POLR3B: variants seen among roughly 807,000 people sequenced by gnomAD.
The protein encoded by POLR3B is RNA polymerase III subunit B, also known as DNA-directed RNA polymerase III subunit RPC2.
POLR3B carries 96 observed loss-of-function variants against 147.4 expected under a neutral mutation model. The observed-to-expected ratio is 0.65, with a 90% CI of 0.55 to 0.77. The LOEUF is 0.77. Among genes scored for constraint, POLR3B ranks in the 30% least tolerant of loss-of-function variants. POLR3B has a pLI of 0.00. For synonymous variants in POLR3B, 461 were observed against 485.9 expected (o/e 0.95, Z 0.67); for missense variants, 1,036 against 1,413.5 (o/e 0.73, Z 4.28).
chr12:106,501,952 C>G (rs1485625281), intron 26 of POLR3B, among the ~76,000 whole-genome samples: 1 of 152,110 alleles, frequency 6.6e-6, no homozygotes, highest in Non-Finnish European at 1.5e-5. Flanking sequence ...ACAGGTGTAC[C>G]CTCAATCCCA....
chr12:106,405,366 C>T (rs1174650589), intron 10 of POLR3B, among the ~76,000 whole-genome samples: 1 of 152,090 alleles, frequency 6.6e-6, no homozygotes, highest in African/African-American at 2.4e-5. Flanking sequence ...ATCCAGTCCA[C>T]GAACATGTCA....
intron 12 of POLR3B, among the ~76,000 whole-genome samples, chr12:106,423,724 T>A (rs1249503069): frequency 6.6e-6 from 1 of 152,228 alleles, no homozygotes; most frequent in East Asian, 1.9e-4. Flanking sequence ...CTCAGCCCAC[T>A]GATTGAAATG....
chr12:106,441,403 C>A (rs192587548), intron 18 of POLR3B, among the ~76,000 whole-genome samples: 3 of 152,262 alleles, frequency 2.0e-5, no homozygotes, highest in Non-Finnish European at 4.4e-5. Context: ...ATGCTAAAGC[C>A]TATTGCTTCT....
chr12:106,501,434 C>G lies in POLR3B; in HGVS notation c.3096C>G (p.Thr1032=). 1 of 1,574,642 alleles carries G rather than the reference C, an allele frequency of 6.4e-7. No individual in the cohort carries two copies. Among genetic ancestry groups the G allele is most frequent in the Non-Finnish European group, 8.7e-7 (1 of 1,144,002 alleles). ...CCCGGGGCCCACGAGCCGTCCTTAC[C>G]AGGTAAGAGAAAAGTACTTACAAAA... The part of the protein sequence containing the change: ...ARARGPRAVL[T]RQPTEGRSRD... Residue 1032 remains threonine, a splice_region_variant and synonymous_variant, in exon 26 of 28, where the codon ACC becomes ACG. Coordinates refer to ENST00000228347, the MANE Select transcript of POLR3B (RefSeq NM_018082.6).
At chr12:106,442,993 A>C (rs1188103392) in intron 18 of POLR3B, among the ~76,000 whole-genome samples, 1 of 152,248 alleles carries the variant, frequency 6.6e-6, no homozygotes, top group Non-Finnish European at 1.5e-5. Flanking sequence ...CTTTGTGTCC[A>C]GTACTACCCA....
At chr12:106,460,407 A>G (rs2037918116) in intron 22 of POLR3B, among the ~76,000 whole-genome samples, 2 of 152,212 alleles carry the variant, frequency 1.3e-5, no homozygotes, top group Admixed American at 1.3e-4. Context: ...AGGAGAAGTT[A>G]AGTAACTTAC....
At chr12:106,506,725 A>G (rs776115462) in intron 27 of POLR3B, among the ~76,000 whole-genome samples, 1 of 152,186 alleles carries the variant, frequency 6.6e-6, no homozygotes, top group Non-Finnish European at 1.5e-5. Context: ...ACAGACCTCA[A>G]TATATACTGT....
chr12:106,379,164 A>G (rs1351343608), intron 8 of POLR3B, among the ~76,000 whole-genome samples: 3 of 152,228 alleles, frequency 2.0e-5, no homozygotes, highest in African/African-American at 7.2e-5. Context: ...TACTATTAAC[A>G]TCTCCATTTT....
At chr12:106,371,046 G>C (rs1213274747) in intron 6 of POLR3B, among the ~76,000 whole-genome samples, 1 of 152,192 alleles carries the variant, frequency 6.6e-6, no homozygotes, top group East Asian at 1.9e-4. Context: ...TGAAGGAAAG[G>C]CAAGAGAGAC....
intron 11 of POLR3B, among the ~76,000 whole-genome samples, chr12:106,409,425 T>C (rs894598679): frequency 6.8e-6 from 1 of 147,476 alleles, no homozygotes; most frequent in African/African-American, 2.5e-5. Flanking sequence ...TTGATGTAAT[T>C]GTTTTGTGGG....
chr12:106,363,983 T>G, intron 2 of POLR3B, 81 bp downstream of exon 2: 2 of 1,068,832 alleles, frequency 1.9e-6, no homozygotes, highest in Non-Finnish European at 1.4e-6. Context: ...AAAGATTAAA[T>G]TTTTGTCATC....
chr12:106,363,421 A>G (rs996118773), intron 1 of POLR3B, among the ~76,000 whole-genome samples: 1 of 152,210 alleles, frequency 6.6e-6, no homozygotes, highest in African/African-American at 2.4e-5. Context: ...GTAGGAAGCA[A>G]TCACCATATG....
chr12:106,362,105 G>A (rs868088108), intron 1 of POLR3B, among the ~76,000 whole-genome samples: 4 of 152,156 alleles, frequency 2.6e-5, no homozygotes, highest in South Asian at 2.1e-4. Flanking sequence ...GCTGAGTCAA[G>A]AAAGTTTTAA....
Position 106,380,013 on chromosome 12 carries a change from AC to A in POLR3B, c.615-17del. ...ACTAAGTGGGGATGCAGTTTAACCA[AC>A]TTGTATTTACTCATAGCTCTACCCA... On this transcript the variant is annotated splice_polypyrimidine_tract_variant and intron_variant, in intron 8 of 27. Coordinates refer to ENST00000228347, the MANE Select transcript of POLR3B (RefSeq NM_018082.6). 6.6e-7 allele frequency: 1 copy of A among 1,511,256 alleles called. No individual in the cohort carries two copies. Among genetic ancestry groups the A allele is most frequent in the Non-Finnish European group, 9.2e-7 (1 of 1,087,012 alleles). The allele number at this position is 1,511,256 out of a possible 1,614,324, so 93.6% of individuals were successfully genotyped here.
chr12:106,441,852 A>G (rs2048183168), intron 18 of POLR3B, among the ~76,000 whole-genome samples: 1 of 152,180 alleles, frequency 6.6e-6, no homozygotes, highest in African/African-American at 2.4e-5. Context: ...AGGCCAAGGC[A>G]GGCAGATCAC....
At chr12:106,483,351 C>A (rs187676512) in intron 23 of POLR3B, among the ~76,000 whole-genome samples, 6 of 152,274 alleles carry the variant, frequency 3.9e-5, no homozygotes. Context: ...GAAACCTATT[C>A]GGTCATTTTT....
At chr12:106,379,410 C>G (rs2036729242) in intron 8 of POLR3B, among the ~76,000 whole-genome samples, 2 of 152,182 alleles carry the variant, frequency 1.3e-5, no homozygotes, top group Non-Finnish European at 2.9e-5. Flanking sequence ...GACAATACTT[C>G]AGTTTGACTA....
At chr12:106,407,511 C>T (rs1022553604) in intron 11 of POLR3B, among the ~76,000 whole-genome samples, 1 of 151,932 alleles carries the variant, frequency 6.6e-6, no homozygotes, top group African/African-American at 2.4e-5. Flanking sequence ...AGAGTCCTGC[C>T]GATATTAACA....
intron 19 of POLR3B, 74 bp downstream of exon 19, chr12:106,444,664 C>T: frequency 6.8e-7 from 1 of 1,480,750 alleles, no homozygotes; most frequent in Non-Finnish European, 9.4e-7. Context: ...ATCTTTATTC[C>T]TGCTTCACCA....
Sources: gnomAD v4.1 joint callset for allele counts (sites outside exome capture counted in the v4.1 genomes callset) on GRCh38, gnomAD v4.1.1 for gene constraint, MANE v1.5 for transcripts, NCBI Gene and HGNC (gene_info 2026-07-23, HGNC 2026-07-21) for gene names.